Variants in TTC27 observed in about 807,000 individuals in gnomAD.
The protein encoded by TTC27 is tetratricopeptide repeat protein 27.
A neutral mutation model predicts 115.9 loss-of-function variants in TTC27; 79 were observed. The observed-to-expected ratio is 0.68, with a 90% CI of 0.57 to 0.82. The LOEUF is 0.82. Ranked by LOEUF, TTC27 falls within the 40% of genes least tolerant of loss-of-function variation. The probability of loss-of-function intolerance (pLI) is 0.00; values close to 1 mark genes in which losing one functional copy is unlikely to be tolerated. For synonymous variants in TTC27, 401 were observed against 356.0 expected (o/e 1.13, Z -1.42); for missense variants, 1,054 against 993.1 (o/e 1.06, Z -0.82).
At chr2:32,687,400 G>A (rs1459814351) in intron 9 of TTC27, among the ~76,000 whole-genome samples, 1 of 152,132 alleles carries the variant, frequency 6.6e-6, no homozygotes, top group Non-Finnish European at 1.5e-5. Flanking sequence ...GGCAGGAAAA[G>A]CAGCATAATG....
At chr2:32,808,275 A>G (rs762359118) in intron 16 of TTC27, among the ~76,000 whole-genome samples, 7 of 152,052 alleles carry the variant, frequency 4.6e-5, no homozygotes, top group Non-Finnish European at 8.8e-5. Context: ...TTAAGATTCT[A>G]TCCTCAGCCT....
chr2:32,692,035 G>GTTTTTTTTTTTTT (rs1559208253), intron 9 of TTC27, among the ~76,000 whole-genome samples: 3 of 59,124 alleles, frequency 5.1e-5, no homozygotes, highest in Non-Finnish European at 1.1e-4. Flanking sequence ...TAATTTTTTA[G>GTTTTTTTTTTTTT]GTTTTTTTTT....
At chr2:32,750,448 C>G (rs981550969) in intron 12 of TTC27, among the ~76,000 whole-genome samples, 5 of 152,124 alleles carry the variant, frequency 3.3e-5, no homozygotes, top group Non-Finnish European at 7.4e-5. Flanking sequence ...GATAGGTTCT[C>G]CTATGATGAA....
At chr2:32,727,129 C>T (rs10175028) in intron 10 of TTC27, among the ~76,000 whole-genome samples, 50,734 of 151,836 alleles carry the variant, frequency 0.33, 8,946 homozygotes, top group Non-Finnish European at 0.39. Context: ...AAATTTTGAA[C>T]TTCCAAGAAA....
At position 32,718,441 on chromosome 2, in the gene TTC27, A is replaced by G. The variant is rs147558486; in HGVS notation, c.1234-15387A>G. 2.2e-3 allele frequency among the ~76,000 whole-genome samples: 334 copies of G among 151,696 alleles called. 1 individual carries two copies. The highest frequency in any genetic ancestry group is 6.2e-3 in the African/African-American group (256 of 41,342). On this transcript the variant is annotated intron_variant, in intron 10 of 19. Transcript: ENST00000317907. ...TTTCCAGTAAATCTGTATTTTTCTGATTGTCCTTTTTCTTAATAGTCTTTT... is the reference window on the plus strand; with the variant it reads ...TTTCCAGTAAATCTGTATTTTTCTGGTTGTCCTTTTTCTTAATAGTCTTTT...
At chr2:32,704,870 G>T (rs556190539) in intron 10 of TTC27, 226 of 471,290 alleles carry the variant, frequency 4.8e-4, no homozygotes, top group South Asian at 3.4e-3. Context: ...GGTGGCACAT[G>T]ATGTTCACTT....
At chr2:32,771,870 G>A (rs1361384302) in intron 13 of TTC27, among the ~76,000 whole-genome samples, 1 of 152,124 alleles carries the variant, frequency 6.6e-6, no homozygotes, top group African/African-American at 2.4e-5. Flanking sequence ...ATCAGGCAGG[G>A]GTACAGAAAG....
At chr2:32,674,032 C>T (rs541987458) in intron 8 of TTC27, among the ~76,000 whole-genome samples, 3 of 152,112 alleles carry the variant, frequency 2.0e-5, no homozygotes, top group Admixed American at 6.6e-5. Flanking sequence ...AATGAATATC[C>T]CATTTGTCAT....
intron 13 of TTC27, among the ~76,000 whole-genome samples, chr2:32,776,675 C>G (rs1670006648): frequency 1.3e-5 from 2 of 152,122 alleles, no homozygotes; most frequent in African/African-American, 4.8e-5. Context: ...GTGGTGCAAT[C>G]TCAGGTCACT....
chr2:32,787,842 A>G (rs1204025865), intron 16 of TTC27, among the ~76,000 whole-genome samples: 3 of 152,078 alleles, frequency 2.0e-5, no homozygotes, highest in Non-Finnish European at 1.5e-5. Flanking sequence ...ACAAAACTGA[A>G]TGGAATGATA....
intron 9 of TTC27, among the ~76,000 whole-genome samples, chr2:32,686,474 C>G (rs1256445452): frequency 6.6e-6 from 1 of 150,508 alleles, no homozygotes; most frequent in Non-Finnish European, 1.5e-5. Flanking sequence ...TTTGTCCTGC[C>G]TCAGCCTTCT....
chr2:32,666,721 A>C lies in TTC27; in HGVS notation c.892A>C (p.Asn298His), dbSNP rs146281194. Residue 298 changes from asparagine to histidine, a missense_variant, in exon 7 of 20, where the codon AAT becomes CAT. Coordinates refer to ENST00000317907, the MANE Select transcript of TTC27 (RefSeq NM_017735.5). ...DVRREGDVLS[N>H]CEFTPAPTPQ... Reference sequence around the variant, plus strand: ...AAGAAGGGAAGGGGATGTCCTTTCAAATTGTGAATTCACTCCAGCACCCAC... The same window carrying C: ...AAGAAGGGAAGGGGATGTCCTTTCACATTGTGAATTCACTCCAGCACCCAC... 200 of 1,613,964 alleles carry C rather than the reference A, an allele frequency of 1.2e-4. No homozygotes were observed. The highest frequency in any genetic ancestry group is 1.5e-4 in the Non-Finnish European group (175 of 1,179,972).
chr2:32,650,988 A>AT (rs150376405), intron 5 of TTC27, among the ~76,000 whole-genome samples: 24,417 of 149,778 alleles, frequency 0.16, 2,288 homozygotes, highest in South Asian at 0.4. Context: ...GGTTTTGGGG[A>AT]TTTTTTTTTT....
chr2:32,762,094 A>G (rs1669455476), intron 13 of TTC27, among the ~76,000 whole-genome samples: 1 of 152,198 alleles, frequency 6.6e-6, no homozygotes, highest in African/African-American at 2.4e-5. Flanking sequence ...AGCAATTTAT[A>G]TGTAAAGCAC....
chr2:32,741,547 G>A (rs1351149100), intron 12 of TTC27, among the ~76,000 whole-genome samples: 1 of 152,030 alleles, frequency 6.6e-6, no homozygotes, highest in African/African-American at 2.4e-5. Flanking sequence ...AGCTACTTGG[G>A]AGGCTGAGGC....
chr2:32,653,923 A>G (rs367773544), intron 5 of TTC27, among the ~76,000 whole-genome samples: 1 of 152,196 alleles, frequency 6.6e-6, no homozygotes, highest in Admixed American at 6.5e-5. Context: ...TCTATCTTCA[A>G]AGCTCAAAAC....
chr2:32,719,720 C>T lies in TTC27; in HGVS notation c.1234-14108C>T, dbSNP rs181485828. On this transcript the variant is annotated intron_variant, in intron 10 of 19. Coordinates refer to ENST00000317907, the MANE Select transcript of TTC27 (RefSeq NM_017735.5). Reference sequence around the variant, plus strand: ...TTACTCTAAGCTGGAGACAATACAGCATGATCTCAGATGCAGATCTGGGTT... The same window carrying T: ...TTACTCTAAGCTGGAGACAATACAGTATGATCTCAGATGCAGATCTGGGTT... Among the ~76,000 whole-genome samples, 695 of 152,304 alleles carry T rather than the reference C, an allele frequency of 4.6e-3. 4 individuals carry two copies. The highest frequency in any genetic ancestry group is 0.016 in the African/African-American group (645 of 41,562).
chr2:32,780,504 A>G (rs1670139076), intron 14 of TTC27, among the ~76,000 whole-genome samples: 1 of 152,088 alleles, frequency 6.6e-6, no homozygotes, highest in African/African-American at 2.4e-5. Context: ...CAGTGGTGCA[A>G]TCTCGGCCTA....
intron 5 of TTC27, among the ~76,000 whole-genome samples, chr2:32,656,066 TGAG>T: frequency 6.6e-6 from 1 of 152,096 alleles, no homozygotes; most frequent in Non-Finnish European, 1.5e-5. Context: ...AGTACTGGCT[TGAG>T]TTTTCTAAAT....
Sources: gnomAD v4.1 joint callset for allele counts (sites outside exome capture counted in the v4.1 genomes callset) on GRCh38, gnomAD v4.1.1 for gene constraint, MANE v1.5 for transcripts, NCBI Gene and HGNC (gene_info 2026-07-23, HGNC 2026-07-21) for gene names.